Variants in VAX2 observed in about 807,000 individuals in gnomAD.
VAX2 encodes ventral anterior homeobox 2.
Under a neutral mutation model 12.5 loss-of-function variants are expected in VAX2, and 8 were observed. That is an observed-to-expected ratio of 0.64 (90% CI 0.37 to 1.15). The LOEUF (loss-of-function observed/expected upper bound fraction) is 1.15, where lower values mean the gene tolerates loss of function less well. Among genes scored for constraint, VAX2 ranks in the 50% most tolerant of loss-of-function variants. VAX2 has a pLI of 0.01. For missense variants in VAX2, 476 were observed against 412.9 expected (o/e 1.15, Z -1.32); for synonymous variants, 183 against 187.6 (o/e 0.98, Z 0.20).
At chr2:70,927,453 T>C (rs539936604) in intron 2 of VAX2, among the ~76,000 whole-genome samples, 2 of 151,438 alleles carry the variant, frequency 1.3e-5, no homozygotes, top group Admixed American at 1.3e-4. Flanking sequence ...CTCAGATGGC[T>C]TCTTCCAGAA....
At chr2:70,912,335 TG>T (rs1553411323) in intron 1 of VAX2, among the ~76,000 whole-genome samples, 1 of 152,090 alleles carries the variant, frequency 6.6e-6, no homozygotes, top group African/African-American at 2.4e-5. Flanking sequence ...TATTTGTAGG[TG>T]GGGGCAGGAA....
Position 70,933,274 on chromosome 2 carries a change from A to T in VAX2, c.*70A>T. 1.4e-6 allele frequency: 2 copies of T among 1,403,638 alleles called. No homozygotes were observed. Among genetic ancestry groups the T allele is most frequent in the Non-Finnish European group, 1.9e-6 (2 of 1,069,058 alleles). The allele number at this position is 1,403,638 out of a possible 1,614,324, so 86.9% of individuals were successfully genotyped here. A position where few individuals can be genotyped will look rare whatever the true frequency, so the allele number is the denominator to read the frequency against. ...AGTCTCCTGTGCCCCAGCGGACAGC[A>T]CTGAGCAGGCCCCGGAGAGGAGGGG... On this transcript the variant is annotated 3_prime_UTR_variant, in exon 3 of 3. Transcript: ENST00000234392.
rs145418298 is a variant in VAX2, at chr2:70,919,463, G to C, written c.248-1635G>C. On this transcript the variant is annotated intron_variant, in intron 1 of 2. Coordinates refer to ENST00000234392, the MANE Select transcript of VAX2 (RefSeq NM_012476.3). ...CCAGCACTTTGGGAGGCTGAGACAA[G>C]AGGATCACTTGAGCCCAGGAGTTCA... Among the ~76,000 whole-genome samples the C allele has an allele frequency of 5.0e-3, 761 of 152,188 alleles. 6 individuals carry two copies. Among genetic ancestry groups the C allele is most frequent in the African/African-American group, 0.017 (725 of 41,504 alleles).
intron 1 of VAX2, among the ~76,000 whole-genome samples, chr2:70,902,571 A>C (rs1678958482): frequency 6.6e-6 from 1 of 152,064 alleles, no homozygotes; most frequent in South Asian, 2.1e-4. Context: ...ATCACCTTGA[A>C]CCCCACCTAT....
Position 70,900,879 on chromosome 2 carries a change from A to G in VAX2, c.247+11A>G. The stretch of plus-strand genomic sequence containing the variant: ...GCATACTGGTGCGAGGTAAGGGGAC[A>G]GCCCGCGGCCCTGCTCCACTGGACC... On this transcript the variant is annotated intron_variant, in intron 1 of 2. Transcript: ENST00000234392. The G allele has an allele frequency of 1.4e-6, 2 of 1,395,268 alleles. No individual in the cohort carries two copies. The highest frequency in any genetic ancestry group is 2.8e-5 in the Admixed American group (1 of 35,452). The allele number at this position is 1,395,268 out of a possible 1,614,324, so 86.4% of individuals were successfully genotyped here.
chr2:70,932,670 A>T, intron 2 of VAX2, 97 bp from the exon 3 acceptor site: 1 of 61,894 alleles, frequency 1.6e-5, no homozygotes, highest in South Asian at 3.1e-4. Flanking sequence ...CACCTGCCCC[A>T]ACCCCATGCC....
At position 70,904,664 on chromosome 2, in the gene VAX2, C is replaced by A. The variant is rs1679009610; in HGVS notation, c.247+3796C>A. On this transcript the variant is annotated intron_variant, in intron 1 of 2. Coordinates refer to ENST00000234392, the MANE Select transcript of VAX2 (RefSeq NM_012476.3). The surrounding 1 kb of genome is among the most constrained non-coding windows in gnomAD (Gnocchi z 4.2). Reference sequence around the variant, plus strand: ...AGTAGGGTGGGATGACTGCAGGATCCCTTGAAGAAGTGACTCGCTGCAACC... The same window carrying A: ...AGTAGGGTGGGATGACTGCAGGATCACTTGAAGAAGTGACTCGCTGCAACC... Among the ~76,000 whole-genome samples, 2 of 152,176 alleles carry A rather than the reference C, an allele frequency of 1.3e-5. No individual in the cohort carries two copies.
chr2:70,917,826 G>A (rs570772746), intron 1 of VAX2, among the ~76,000 whole-genome samples: 2 of 152,090 alleles, frequency 1.3e-5, no homozygotes, highest in Non-Finnish European at 2.9e-5. Context: ...GATGCTACAG[G>A]GTGGGCTTGA....
In VAX2 at chr2:70,904,154, C is replaced by CGA; in HGVS notation, c.247+3286_247+3287insGA. Among the ~76,000 whole-genome samples, 2 of 152,228 alleles carry CGA rather than the reference C, an allele frequency of 1.3e-5. No individual in the cohort carries two copies. Among genetic ancestry groups the CGA allele is most frequent in the Non-Finnish European group, 2.9e-5 (2 of 68,040 alleles). The stretch of plus-strand genomic sequence containing the variant: ...TACCCTAAGGCCTGAGAAGGCCGCT[C>CGA]CACACCTCCGCGTGCACAGTCCCTA... On this transcript the variant is annotated intron_variant, in intron 1 of 2. Coordinates refer to ENST00000234392, the MANE Select transcript of VAX2 (RefSeq NM_012476.3). This position sits in a 1 kb window ranked among gnomAD's most constrained non-coding sequence, Gnocchi z 4.2.
chr2:70,905,817 C>T (rs1176714813), intron 1 of VAX2, among the ~76,000 whole-genome samples: 1 of 152,192 alleles, frequency 6.6e-6, no homozygotes, highest in Admixed American at 6.5e-5. Flanking sequence ...CAGTGGCATG[C>T]ACCCGCAGTC....
chr2:70,908,774 C>A (rs1558654449), intron 1 of VAX2, among the ~76,000 whole-genome samples: 1 of 152,170 alleles, frequency 6.6e-6, no homozygotes, highest in Non-Finnish European at 1.5e-5. Context: ...GTTTACACTG[C>A]CACCAGCGAT....
At chr2:70,923,525 CAG>C (rs782143006) in intron 2 of VAX2, among the ~76,000 whole-genome samples, 19 of 152,324 alleles carry the variant, frequency 1.2e-4, no homozygotes, top group Non-Finnish European at 2.4e-4. Flanking sequence ...TCCCACAAGA[CAG>C]TGCCACAGCA....
At chr2:70,909,126 G>GT (rs1209545502) in intron 1 of VAX2, among the ~76,000 whole-genome samples, 2 of 151,962 alleles carry the variant, frequency 1.3e-5, no homozygotes, top group Non-Finnish European at 2.9e-5. Context: ...ATGGTCTTTT[G>GT]TTTTCAGAAG....
intron 2 of VAX2, 130 bp from the exon 3 acceptor site, chr2:70,932,637 A>AGCCCCCCCCCC: frequency 6.9e-6 from 1 of 144,554 alleles, no homozygotes; most frequent in Non-Finnish European, 1.5e-5. Flanking sequence ...CCACCCTCAC[A>AGCCCCCCCCCC]CCCCACCCCC....
rs937357411 is a variant in VAX2, at chr2:70,933,214, C to T, written c.*10C>T. The stretch of plus-strand genomic sequence containing the variant: ...GAAAGCTAACACTTAAGACTCCCAC[C>T]CTGTGACACTGAGTCCCGAGCACAG... On this transcript the variant is annotated 3_prime_UTR_variant, in exon 3 of 3. Transcript: ENST00000234392. The T allele has an allele frequency of 2.2e-5, 33 of 1,505,670 alleles. No individual in the cohort carries two copies. Among genetic ancestry groups the T allele is most frequent in the Non-Finnish European group, 2.8e-5 (32 of 1,126,816 alleles). 93.3% of individuals were successfully genotyped at this position (1,505,670 alleles called of 1,614,324 possible). A position where few individuals can be genotyped will look rare whatever the true frequency, so the allele number is the denominator to read the frequency against.
chr2:70,925,708 G>A (rs1679555921), intron 2 of VAX2, among the ~76,000 whole-genome samples: 2 of 152,140 alleles, frequency 1.3e-5, no homozygotes, highest in South Asian at 4.1e-4. Flanking sequence ...AAAAACAGAA[G>A]CCATAGCCTT....
At position 70,900,810 on chromosome 2, in the gene VAX2, C is replaced by T; in HGVS notation, c.189C>T (p.Asp63=). The T allele has an allele frequency of 6.7e-7, 1 of 1,488,994 alleles. No homozygotes were observed. Among genetic ancestry groups the T allele is most frequent in the South Asian group, 1.3e-5 (1 of 78,046 alleles). 92.2% of individuals were successfully genotyped at this position (1,488,994 alleles called of 1,614,324 possible). Residue 63 remains aspartate (D), a synonymous_variant, in exon 1 of 3, where the codon GAC becomes GAT. Coordinates refer to ENST00000234392, the MANE Select transcript of VAX2 (RefSeq NM_012476.3). ...SPAGSRESGA[D]SDGQPGPGEA... ...CAGGCTCCAGGGAGAGTGGAGCCGA[C>T]AGCGACGGGCAGCCCGGGCCCGGCG...
At chr2:70,913,452 C>CG (rs1192564740) in intron 1 of VAX2, among the ~76,000 whole-genome samples, 2 of 152,026 alleles carry the variant, frequency 1.3e-5, no homozygotes, top group African/African-American at 4.8e-5. Context: ...GAGGCTGAGG[C>CG]GGGGGGATCA....
intron 1 of VAX2, among the ~76,000 whole-genome samples, chr2:70,913,194 G>A (rs1329131430): frequency 6.6e-6 from 1 of 152,174 alleles, no homozygotes; most frequent in Non-Finnish European, 1.5e-5. Context: ...CAGAAACCCA[G>A]GCTGGTAAAG....
Sources: gnomAD v4.1 joint callset for allele counts (sites outside exome capture counted in the v4.1 genomes callset) on GRCh38, gnomAD v4.1.1 for gene constraint, Gnocchi (gnomAD v3.1) non-coding constraint, MANE v1.5 for transcripts, NCBI Gene and HGNC (gene_info 2026-07-23, HGNC 2026-07-21) for gene names.